Variants in LINGO2 observed in about 807,000 individuals in gnomAD.
LINGO2 encodes leucine-rich repeat and immunoglobulin-like domain-containing nogo receptor-interacting protein 2.
Under a neutral mutation model 30.6 loss-of-function variants are expected in LINGO2, and 14 were observed. The ratio of observed to expected loss-of-function variants is 0.46; its 90% CI spans 0.30 to 0.72. LINGO2 has a LOEUF of 0.72. LINGO2 is among the 30% of genes least tolerant of loss of function. The pLI, the probability that LINGO2 is intolerant of heterozygous loss-of-function variation, is 0.07. For synonymous variants in LINGO2, 317 were observed against 288.5 expected (o/e 1.10, Z -1.00); for missense variants, 729 against 751.7 (o/e 0.97, Z 0.35).
At chr9:29,203,176 T>A in the LINGO2 span, among the ~76,000 whole-genome samples, 1 of 152,072 alleles carries the variant, frequency 6.6e-6, no homozygotes, top group Non-Finnish European at 1.5e-5. Context: ...CTGATTATAA[T>A]CAAAAAGTTC....
the LINGO2 span, among the ~76,000 whole-genome samples, chr9:28,804,817 T>C: frequency 6.6e-6 from 1 of 152,232 alleles, no homozygotes. Flanking sequence ...TTTTTACCAT[T>C]TTTATTTCAG....
At chr9:28,738,897 C>T in the LINGO2 span, among the ~76,000 whole-genome samples, 1 of 151,824 alleles carries the variant, frequency 6.6e-6, no homozygotes, top group African/African-American at 2.4e-5. Flanking sequence ...AATTAAAAGT[C>T]AAACTTAATT....
chr9:28,029,625 C>T (rs1394161563), intron 4 of LINGO2, among the ~76,000 whole-genome samples: 4 of 151,976 alleles, frequency 2.6e-5, no homozygotes, highest in Non-Finnish European at 5.9e-5. Flanking sequence ...TAAAAAGTGA[C>T]CTGAAATCAG....
chr9:29,144,841 G>A, the LINGO2 span, among the ~76,000 whole-genome samples: 2 of 151,064 alleles, frequency 1.3e-5, no homozygotes, highest in South Asian at 4.2e-4. Context: ...TTAAAAATTG[G>A]GCAGGCAAAA....
chr9:27,989,334 AAT>A (rs1295078840), intron 5 of LINGO2, among the ~76,000 whole-genome samples: 1 of 151,920 alleles, frequency 6.6e-6, no homozygotes, highest in African/African-American at 2.4e-5. Context: ...TTCCCAACAA[AAT>A]ATAAGATACA....
chr9:28,790,949 A>G, the LINGO2 span, among the ~76,000 whole-genome samples: 1 of 152,130 alleles, frequency 6.6e-6, no homozygotes, highest in African/African-American at 2.4e-5. Context: ...CATACACACT[A>G]CCATACTCTT....
intron 4 of LINGO2, among the ~76,000 whole-genome samples, chr9:28,157,744 A>G (rs1032813585): frequency 6.6e-6 from 1 of 152,168 alleles, no homozygotes; most frequent in African/African-American, 2.4e-5. Flanking sequence ...GAGATACCCT[A>G]AATCATCTCT....
At position 28,561,755 on chromosome 9, in the gene LINGO2, A is replaced by G. The variant is rs1283912382; in HGVS notation, c.-364-85730T>C. On this transcript the variant is annotated intron_variant, in intron 1 of 5. Transcript: ENST00000379992. The stretch of plus-strand genomic sequence containing the variant: ...TAATTTTGTGTGTGTGTGTGTATAT[A>G]TATATATATATATATATATATATAT... Among the ~76,000 whole-genome samples the G allele has an allele frequency of 1.5e-3, 152 of 98,118 alleles. 3 individuals are homozygous for G. Among genetic ancestry groups the G allele is most frequent in the Non-Finnish European group, 1.9e-3 (96 of 51,100 alleles). The allele number at this position is 98,118 out of a possible 152,430, so 64.4% of individuals were successfully genotyped here.
chr9:28,532,279 G>A (rs1328680486), intron 1 of LINGO2, among the ~76,000 whole-genome samples: 1 of 152,098 alleles, frequency 6.6e-6, no homozygotes, highest in Admixed American at 6.6e-5. Context: ...AAAAAGAGAG[G>A]TTTCATATCA....
chr9:28,707,372 T>C, the LINGO2 span, among the ~76,000 whole-genome samples: 1 of 152,124 alleles, frequency 6.6e-6, no homozygotes, highest in Admixed American at 6.6e-5. Flanking sequence ...GACCATTAGA[T>C]AAATGAATTC....
intron 1 of LINGO2, among the ~76,000 whole-genome samples, chr9:28,522,704 T>C (rs572510449): frequency 6.6e-6 from 1 of 152,252 alleles, no homozygotes; most frequent in Non-Finnish European, 1.5e-5. Flanking sequence ...CACAAATTCA[T>C]TGCAGATTCT....
the LINGO2 span, among the ~76,000 whole-genome samples, chr9:29,062,020 G>T: frequency 6.6e-6 from 1 of 151,952 alleles, no homozygotes; most frequent in Non-Finnish European, 1.5e-5. Flanking sequence ...GACTTGAAAA[G>T]ACATTTCTTC....
chr9:28,616,201 T>C (rs971638340), intron 1 of LINGO2, among the ~76,000 whole-genome samples: 10 of 152,150 alleles, frequency 6.6e-5, no homozygotes, highest in Non-Finnish European at 1.2e-4. Flanking sequence ...AATATTTTTG[T>C]TCAGCTGGTC....
At chr9:28,315,456 A>C (rs529898412) in intron 3 of LINGO2, among the ~76,000 whole-genome samples, 1 of 151,496 alleles carries the variant, frequency 6.6e-6, no homozygotes, top group South Asian at 2.1e-4. Flanking sequence ...GTGACTTTCC[A>C]TAGGACAAAT....
chr9:28,507,240 T>C lies in LINGO2; in HGVS notation c.-364-31215A>G, dbSNP rs76241370. On this transcript the variant is annotated intron_variant, in intron 1 of 5. Coordinates refer to ENST00000379992, the Ensembl canonical transcript of LINGO2. ...GTGTGTGTGTGTGTGTGTGTGTGCG[T>C]GCGTGCGCACATGTGTGTGTAGATA... Among the ~76,000 whole-genome samples, 282 of 149,994 alleles carry C rather than the reference T, an allele frequency of 1.9e-3. 1 individual carries two copies. The highest frequency in any genetic ancestry group is 6.8e-3 in the Middle Eastern group (2 of 292).
chr9:28,374,853 C>A (rs1347475070), intron 2 of LINGO2, among the ~76,000 whole-genome samples: 1 of 151,936 alleles, frequency 6.6e-6, no homozygotes, highest in Non-Finnish European at 1.5e-5. Flanking sequence ...GACAAATTGA[C>A]CCACCTCGAC....
At chr9:28,166,920 T>C (rs1828443825) in intron 4 of LINGO2, among the ~76,000 whole-genome samples, 1 of 152,152 alleles carries the variant, frequency 6.6e-6, no homozygotes, top group Admixed American at 6.5e-5. Flanking sequence ...GGGGTTTCTA[T>C]GAATGCCACA....
the LINGO2 span, among the ~76,000 whole-genome samples, chr9:29,102,084 CT>C: frequency 2.2e-3 from 318 of 144,974 alleles, no homozygotes; most frequent in African/African-American, 5.1e-3. Context: ...ACATCTGCAT[CT>C]TTTTTTTTTT....
the LINGO2 span, among the ~76,000 whole-genome samples, chr9:28,784,733 C>A: frequency 6.6e-6 from 1 of 152,096 alleles, no homozygotes; most frequent in African/African-American, 2.4e-5. Flanking sequence ...GTGCGTGGAT[C>A]ATGAAGTCAG....
Sources: gnomAD v4.1 joint callset for allele counts (sites outside exome capture counted in the v4.1 genomes callset) on GRCh38, gnomAD v4.1.1 for gene constraint, MANE v1.5 for transcripts, NCBI Gene and HGNC (gene_info 2026-07-23, HGNC 2026-07-21) for gene names.